ARNT2: variants seen among roughly 807,000 people sequenced by gnomAD.
The protein encoded by ARNT2 is ARNT protein 2.
Under a neutral mutation model 91.7 loss-of-function variants are expected in ARNT2, and 36 were observed. The observed-to-expected ratio is 0.39, with a 90% CI of 0.30 to 0.52. The LOEUF (loss-of-function observed/expected upper bound fraction) is 0.52, where lower values mean the gene tolerates loss of function less well. Ranked by LOEUF, ARNT2 falls within the 20% of genes least tolerant of loss-of-function variation. The pLI, the probability that ARNT2 is intolerant of heterozygous loss-of-function variation, is 0.72. For synonymous variants in ARNT2, 365 were observed against 347.1 expected, an observed-to-expected ratio of 1.05 and a Z score of -0.57; for missense variants, 775 against 939.3, an observed-to-expected ratio of 0.83 and a Z score of 2.29.
intron 8 of ARNT2, among the ~76,000 whole-genome samples, chr15:80,530,201 T>C (rs1223124638): frequency 2.0e-5 from 3 of 152,216 alleles, no homozygotes; most frequent in Non-Finnish European, 4.4e-5. Context: ...TTTCAGGCCC[T>C]GACACGGGCA....
chr15:80,528,381 T>TCTAC (rs906786458), intron 8 of ARNT2, among the ~76,000 whole-genome samples: 6 of 151,964 alleles, frequency 3.9e-5, no homozygotes, highest in African/African-American at 1.2e-4. Flanking sequence ...TATCTATCTA[T>TCTAC]CTATCTATCT....
rs780125753 is a variant in ARNT2 at position 80,552,688 on chromosome 15, A to C, written c.1003A>C (p.Thr335Pro). The C allele has an allele frequency of 4.6e-5, 75 of 1,614,046 alleles. 1 individual carries two copies. The highest frequency in any genetic ancestry group is 6.4e-5 in the Non-Finnish European group (75 of 1,180,008). The change falls in exon 10 of 19, where the codon ACA becomes CCA. Residue 335 changes from threonine (T) to proline (P), a missense_variant. Physicochemically the swap from Thr to Pro is conservative, Grantham distance 38. This residue lies in a region of ARNT2 where 285 missense variants were observed against 327.2 expected (regional missense o/e 0.87). Transcript: ENST00000303329. ...GGACATGAATGGGATGTCGGTGCCC[A>C]CAGAGTTCTTATCCCGGCATAACTC... ...CMDMNGMSVP[T>P]EFLSRHNSDG... is the part of the protein sequence containing the mutation.
At chr15:80,423,895 A>G (rs950281493) in intron 1 of ARNT2, among the ~76,000 whole-genome samples, 2 of 152,216 alleles carry the variant, frequency 1.3e-5, no homozygotes, top group African/African-American at 4.8e-5. Flanking sequence ...TTTTCATAAA[A>G]CTGGGATATC....
chr15:80,442,967 G>A, intron 1 of ARNT2: 1 of 985,388 alleles, frequency 1.0e-6, no homozygotes, highest in East Asian at 1.1e-4. Context: ...CATCATTCAG[G>A]CCTTGTCATC....
chr15:80,447,003 G>C (rs1293315445), intron 1 of ARNT2, among the ~76,000 whole-genome samples: 2 of 152,086 alleles, frequency 1.3e-5, no homozygotes, highest in African/African-American at 4.8e-5. Flanking sequence ...TGCATTGGGA[G>C]AAAATTAGAA....
chr15:80,580,615 T>G (rs767175424), intron 16 of ARNT2, 66 bp downstream of exon 16: 7 of 1,602,714 alleles, frequency 4.4e-6, no homozygotes, highest in Non-Finnish European at 5.1e-6. Context: ...GGGAAGTGTT[T>G]TCTTTGGATT....
In ARNT2 at chr15:80,595,207, A is replaced by C. The variant is rs1297885999; in HGVS notation, c.*1509A>C. 2.0e-5 allele frequency: 3 copies of C among 151,798 alleles called. No individual in the cohort carries two copies. The highest frequency in any genetic ancestry group is 4.4e-5 in the Non-Finnish European group (3 of 68,050). The allele number at this position is 151,798 out of a possible 1,614,324, so 9.4% of individuals were successfully genotyped here. On this transcript the variant is annotated 3_prime_UTR_variant, in exon 19 of 19. Coordinates refer to ENST00000303329, the MANE Select transcript of ARNT2 (RefSeq NM_014862.4). The stretch of plus-strand genomic sequence containing the variant: ...TTACGCCCCCTCCCTGTTTCTTATC[A>C]CCAGCCCATCAGCCCACTGACTCCC...
chr15:80,514,187 G>A, intron 7 of ARNT2, 133 bp from the exon 8 acceptor site: 2 of 1,013,446 alleles, frequency 2.0e-6, no homozygotes, highest in Admixed American at 1.8e-5. Context: ...AGGAACACAG[G>A]ATGGTGAGGA....
At chr15:80,554,433 A>T (rs993985977) in intron 10 of ARNT2, among the ~76,000 whole-genome samples, 2 of 152,192 alleles carry the variant, frequency 1.3e-5, no homozygotes, top group African/African-American at 4.8e-5. Context: ...CATAAAATAA[A>T]TTTTAAAAAA....
intron 13 of ARNT2, among the ~76,000 whole-genome samples, 191 bp from the exon 14 acceptor site, chr15:80,574,796 T>A (rs1012488558): frequency 6.6e-6 from 1 of 152,190 alleles, no homozygotes; most frequent in Non-Finnish European, 1.5e-5. Context: ...CACCGCCCCC[T>A]AACCCCCTCA....
intron 1 of ARNT2, among the ~76,000 whole-genome samples, chr15:80,417,979 T>C (rs7172914): frequency 0.75 from 113,713 of 151,960 alleles, 42,813 homozygotes; most frequent in East Asian, 0.8. Flanking sequence ...ACAGCACTCA[T>C]CTCATTTGAT....
At chr15:80,561,535 C>CCCTTATCT (rs1158014386) in intron 11 of ARNT2, among the ~76,000 whole-genome samples, 1 of 152,186 alleles carries the variant, frequency 6.6e-6, no homozygotes, top group East Asian at 1.9e-4. Context: ...ACAGCAGTCC[C>CCCTTATCT]CCTTATCTGC....
At chr15:80,438,460 T>G (rs1343696743) in intron 1 of ARNT2, among the ~76,000 whole-genome samples, 2 of 152,238 alleles carry the variant, frequency 1.3e-5, no homozygotes, top group Non-Finnish European at 2.9e-5. Flanking sequence ...AATAAGACTT[T>G]TTCTTGAAAG....
chr15:80,439,294 G>C (rs1229127305), intron 1 of ARNT2, among the ~76,000 whole-genome samples: 1 of 152,226 alleles, frequency 6.6e-6, no homozygotes, highest in Non-Finnish European at 1.5e-5. Context: ...TAGACGTAGA[G>C]ATGGTGGTGA....
At chr15:80,536,765 G>T (rs1279269450) in intron 8 of ARNT2, among the ~76,000 whole-genome samples, 1 of 152,186 alleles carries the variant, frequency 6.6e-6, no homozygotes, top group African/African-American at 2.4e-5. Flanking sequence ...TGACTTTCCT[G>T]AGTGAAGCAT....
chr15:80,406,304 A>G (rs1019241579), intron 1 of ARNT2, among the ~76,000 whole-genome samples: 3 of 152,242 alleles, frequency 2.0e-5, no homozygotes, highest in Non-Finnish European at 4.4e-5. Flanking sequence ...GCCTCTGTCC[A>G]GAACACTGAG....
chr15:80,464,945 C>T (rs1896631020), intron 3 of ARNT2, among the ~76,000 whole-genome samples: 1 of 152,184 alleles, frequency 6.6e-6, no homozygotes, highest in South Asian at 2.1e-4. Context: ...TCTGATGACT[C>T]CCCCAGGCTA....
intron 1 of ARNT2, among the ~76,000 whole-genome samples, chr15:80,443,994 G>T (rs2141580375): frequency 6.6e-6 from 1 of 152,332 alleles, no homozygotes; most frequent in East Asian, 1.9e-4. Context: ...GAATTTTGAT[G>T]TGTGTTATAG....
At chr15:80,572,274 T>C (rs59342783) in intron 12 of ARNT2, among the ~76,000 whole-genome samples, 6,499 of 152,052 alleles carry the variant, frequency 0.043, 477 homozygotes, top group African/African-American at 0.15. Context: ...CACACCACCT[T>C]CTCCTGGATG....
Sources: allele counts gnomAD v4.1 joint callset (sites outside exome capture counted in the v4.1 genomes callset), GRCh38; gene constraint gnomAD v4.1.1; regional missense constraint gnomAD v4.1.1; transcripts MANE v1.5; gene names NCBI Gene and HGNC (gene_info 2026-07-23, HGNC 2026-07-21).